Variants in NEXMIF observed in about 807,000 individuals in gnomAD.
NEXMIF encodes the protein neurite extension and migration factor.
In NEXMIF, 8 loss-of-function variants were observed where a neutral mutation model predicts 62.1. That is an observed-to-expected ratio of 0.13 (90% CI 0.08 to 0.23). The LOEUF (loss-of-function observed/expected upper bound fraction) is 0.23, where lower values mean the gene tolerates loss of function less well. NEXMIF is among the 10% of genes least tolerant of loss of function. The pLI, the probability that NEXMIF is intolerant of heterozygous loss-of-function variation, is 1.00. For missense variants in NEXMIF, 976 were observed against 1,113.3 expected, an observed-to-expected ratio of 0.88 and a Z score of 1.75; for synonymous variants, 404 against 416.6, an observed-to-expected ratio of 0.97 and a Z score of 0.37.
intron 1 of NEXMIF, among the ~76,000 whole-genome samples, chrX:74,754,689 TC>T (rs942981631): frequency 3.6e-5 from 4 of 111,329 alleles, no homozygotes; most frequent in African/African-American, 1.3e-4. Flanking sequence ...CATTCTAACT[TC>T]CAAAGCAGAA....
chrX:74,925,395 T>TGTGGCGGCGGTG lies in NEXMIF; in HGVS notation c.-572_-561dup, dbSNP rs1382967255. ...CTGCTACTGCCGCTAATGCTACTGC[T>TGTGGCGGCGGTG]GTGGCGGCGGTGGTGGCGGCGGCGG... On this transcript the variant is annotated 5_prime_UTR_variant, in exon 1 of 4. Transcript: ENST00000055682. 2 of 193,500 alleles carry TGTGGCGGCGGTG rather than the reference T, an allele frequency of 1.0e-5. No homozygotes were observed. Among genetic ancestry groups the TGTGGCGGCGGTG allele is most frequent in the East Asian group, 4.2e-4 (2 of 4,761 alleles). 15.9% of individuals were successfully genotyped at this position (193,500 alleles called of 1,213,427 possible). A position where few individuals can be genotyped will look rare whatever the true frequency, so the allele number is the denominator to read the frequency against.
intron 1 of NEXMIF, among the ~76,000 whole-genome samples, chrX:74,785,401 A>T (rs764004606): frequency 9.0e-6 from 1 of 111,272 alleles, no homozygotes; most frequent in South Asian, 3.9e-4. Context: ...GGTAGATAAA[A>T]TGGTATCAGA....
At chrX:74,865,164 A>C (rs1365299329) in intron 1 of NEXMIF, among the ~76,000 whole-genome samples, 4 of 112,129 alleles carry the variant, frequency 3.6e-5, no homozygotes, top group African/African-American at 9.7e-5. Flanking sequence ...GCTCATAAGA[A>C]GGTAGTAAGA....
In NEXMIF at chrX:74,735,627, G is replaced by A. The variant is rs954312841; in HGVS notation, c.*3778C>T. The A allele has an allele frequency of 3.6e-5, 4 of 111,998 alleles. No individual in the cohort carries two copies. Among genetic ancestry groups the A allele is most frequent in the African/African-American group, 1.3e-4 (4 of 30,740 alleles). The allele number at this position is 111,998 out of a possible 1,213,427, so 9.2% of individuals were successfully genotyped here. On this transcript the variant is annotated 3_prime_UTR_variant, in exon 4 of 4. Transcript: ENST00000055682. ...CCCAGCAAGGAAAAAGTTCAGAGAA[G>A]GTGAAAGTTGTCACAAAAGCCCAGC...
rs191416209 is a variant in NEXMIF, at chrX:74,799,967, C to T, written c.-47-54270G>A. On this transcript the variant is annotated intron_variant, in intron 1 of 3. Transcript: ENST00000055682. The stretch of plus-strand genomic sequence containing the variant: ...TAATAATAGCTGGAGACTTCAAAAC[C>T]CCACTTTTAATGATAGACAGAACAA... Among the ~76,000 whole-genome samples the T allele has an allele frequency of 1.1e-4, 12 of 110,729 alleles. No homozygotes were observed. The East Asian group carries it at 3.4e-3, about 32-fold the overall frequency.
At chrX:74,744,920 T>TC (rs1569336172) in intron 2 of NEXMIF, among the ~76,000 whole-genome samples, 914 of 44,529 alleles carry the variant, frequency 0.021, 18 homozygotes, top group African/African-American at 0.052. Context: ...TCTCTCTCTC[T>TC]TCTCTCTCTC....
chrX:74,823,725 T>C (rs1053593395), intron 1 of NEXMIF, among the ~76,000 whole-genome samples: 4 of 109,578 alleles, frequency 3.7e-5, no homozygotes, highest in Non-Finnish European at 7.6e-5. Context: ...GATAGATAGA[T>C]AGATAGATAG....
chrX:74,822,768 TCTGA>T (rs1188123507), intron 1 of NEXMIF, among the ~76,000 whole-genome samples: 2 of 112,120 alleles, frequency 1.8e-5, no homozygotes, highest in Non-Finnish European at 3.8e-5. Flanking sequence ...AATTGGTCCC[TCTGA>T]CTGGTGGGAA....
chrX:74,817,844 C>G (rs753417606), intron 1 of NEXMIF, among the ~76,000 whole-genome samples: 21 of 111,048 alleles, frequency 1.9e-4, no homozygotes, highest in Non-Finnish European at 4.0e-4. Context: ...AACTTTCAGT[C>G]TGCCATGCTT....
intron 1 of NEXMIF, among the ~76,000 whole-genome samples, chrX:74,889,857 C>T (rs1024129680): frequency 9.0e-6 from 1 of 111,060 alleles, no homozygotes; most frequent in Non-Finnish European, 1.9e-5. Flanking sequence ...GGTGAATAGC[C>T]ATAATCAAAG....
rs2080840635 is a variant in NEXMIF at position 74,925,225 on chromosome X, C to G, written c.-390G>C. ...GGTCCGTGCTTCGCTTACACTGTCG[C>G]TCGCCCCGGCTGGAGCTACCTAGCG... is the stretch of plus-strand genomic sequence containing the variant. On this transcript the variant is annotated 5_prime_UTR_variant, in exon 1 of 4. Coordinates refer to ENST00000055682, the MANE Select transcript of NEXMIF (RefSeq NM_001008537.3). 8.5e-6 allele frequency: 1 copy of G among 117,914 alleles called. No homozygotes were observed. Among genetic ancestry groups the G allele is most frequent in the Admixed American group, 9.1e-5 (1 of 10,967 alleles). The allele number at this position is 117,914 out of a possible 1,213,427, so 9.7% of individuals were successfully genotyped here. A position where few individuals can be genotyped will look rare whatever the true frequency, so the allele number is the denominator to read the frequency against.
chrX:74,860,978 T>C (rs1206901004), intron 1 of NEXMIF, among the ~76,000 whole-genome samples: 3 of 111,605 alleles, frequency 2.7e-5, no homozygotes, highest in African/African-American at 9.7e-5. Context: ...TTTGAAAAGA[T>C]AAATGAAACT....
intron 1 of NEXMIF, among the ~76,000 whole-genome samples, chrX:74,798,240 C>CA (rs776356481): frequency 1.1e-3 from 117 of 111,375 alleles, no homozygotes; most frequent in African/African-American, 3.5e-3. Context: ...TCAAAAACAC[C>CA]AAAAACCAAA....
chrX:74,844,623 C>T (rs1313614144), intron 1 of NEXMIF, among the ~76,000 whole-genome samples: 4 of 111,828 alleles, frequency 3.6e-5, no homozygotes. Flanking sequence ...CCACAGGTGA[C>T]TTGCCTGATT....
intron 1 of NEXMIF, among the ~76,000 whole-genome samples, chrX:74,790,389 C>T (rs1474826080): frequency 3.6e-4 from 41 of 113,295 alleles, no homozygotes; most frequent in East Asian, 5.5e-4. Context: ...CCTTGTAGTA[C>T]AGTTTGAAGT....
At chrX:74,793,708 C>T (rs1471949486) in intron 1 of NEXMIF, among the ~76,000 whole-genome samples, 44 of 99,170 alleles carry the variant, frequency 4.4e-4, no homozygotes, top group Admixed American at 2.2e-3. Context: ...CTTCCCTTCT[C>T]GCTTCATTTC....
At chrX:74,923,332 A>G (rs1239545477) in intron 1 of NEXMIF, among the ~76,000 whole-genome samples, 1 of 112,079 alleles carries the variant, frequency 8.9e-6, no homozygotes, top group Non-Finnish European at 1.9e-5. Context: ...AAAATGTACC[A>G]GCCCAAATTT....
intron 1 of NEXMIF, among the ~76,000 whole-genome samples, chrX:74,877,351 T>A (rs927748166): frequency 1.8e-5 from 2 of 112,020 alleles, no homozygotes; most frequent in Non-Finnish European, 3.8e-5. Flanking sequence ...GAGTTTCTGC[T>A]GAGAGATCTG....
rs1158629367 is a variant in NEXMIF, at chrX:74,741,022, T to C, written c.3535A>G (p.Ser1179Gly). ...NNKVSKSRKK[S>G]SPSKSGAMNQ... Reference sequence around the variant, plus strand: ...ATAGCCCCACTCTTGCTGGGTGAACTTTTCTTTCTTGATTTTGACACTTTG... The same window carrying C: ...ATAGCCCCACTCTTGCTGGGTGAACCTTTCTTTCTTGATTTTGACACTTTG... The change falls in exon 3 of 4, where the codon AGT becomes GGT. Residue 1179 changes from serine to glycine, a missense_variant. Coordinates refer to ENST00000055682, the MANE Select transcript of NEXMIF (RefSeq NM_001008537.3). 8.3e-7 allele frequency: 1 copy of C among 1,211,404 alleles called. No homozygotes were observed. Among genetic ancestry groups the C allele is most frequent in the Non-Finnish European group, 1.1e-6 (1 of 895,227 alleles).
Sources: gnomAD v4.1 joint callset for allele counts (sites outside exome capture counted in the v4.1 genomes callset) on GRCh38, gnomAD v4.1.1 for gene constraint, MANE v1.5 for transcripts, NCBI Gene and HGNC (gene_info 2026-07-23, HGNC 2026-07-21) for gene names.